CR2: variants seen among roughly 807,000 people sequenced by gnomAD.
CR2 encodes complement receptor type 2.
CR2 carries 96 observed loss-of-function variants against 123.0 expected under a neutral mutation model. That is an observed-to-expected ratio of 0.78 (90% CI 0.66 to 0.93). The LOEUF (loss-of-function observed/expected upper bound fraction) is 0.93, where lower values mean the gene tolerates loss of function less well. CR2 is among the 40% of genes least tolerant of loss of function. The pLI is 0.00. For synonymous variants in CR2, 484 were observed against 469.5 expected, an observed-to-expected ratio of 1.03 and a Z score of -0.40; for missense variants, 1,258 against 1,361.0, an observed-to-expected ratio of 0.92 and a Z score of 1.19.
Position 207,476,276 on chromosome 1 carries a change from A to C in CR2, c.2759A>C (p.Asn920Thr). 1 of 1,613,932 alleles carries C rather than the reference A, an allele frequency of 6.2e-7. No individual in the cohort carries two copies. The highest frequency in any genetic ancestry group is 8.5e-7 in the Non-Finnish European group (1 of 1,179,892). Residue 920 changes from asparagine (N) to threonine (T), a missense_variant, in exon 15 of 20, where the codon AAC (asparagine) becomes ACC (threonine). Physicochemically the swap from Asn to Thr is moderately conservative, Grantham distance 65 (BLOSUM62 0). Transcript: ENST00000367057. ...CCTCCGCCTAAGACCCCTAACGGGA[A>C]CCATACTGGTGGAAACATAGCTCGA... ...CPPPPKTPNG[N>T]HTGGNIARFS...
intron 16 of CR2, 100 bp downstream of exon 16, chr1:207,478,170 T>C: frequency 7.9e-6 from 10 of 1,258,972 alleles, no homozygotes; most frequent in Non-Finnish European, 1.1e-5. Flanking sequence ...TAAATTGACA[T>C]AGGTTTGTGA....
rs1167781229 is a variant in CR2 at position 207,454,432 on chromosome 1, G to A, written c.14G>A (p.Gly5Asp). 5 of 1,584,828 alleles carry A rather than the reference G, an allele frequency of 3.2e-6. No homozygotes were observed. The highest frequency in any genetic ancestry group is 3.4e-6 in the Non-Finnish European group (4 of 1,172,244). The change falls in exon 1 of 20, where the codon GGC becomes GAC. Residue 5 changes from glycine to aspartate, a missense_variant. Gly to Asp is a moderately conservative substitution (Grantham distance 94). Coordinates refer to ENST00000367057, the MANE Select transcript of CR2 (RefSeq NM_001006658.3). The surrounding 1 kb of genome is among the most constrained non-coding windows in gnomAD (Gnocchi z 4.3). ...TTCGGCCGTGGCATGGGCGCCGCGG[G>A]CCTGCTCGGGGTTTTCTTGGCTCTC... MGAA[G>D]LLGVFLALVA...
At chr1:207,467,652 T>G (rs1369938939) in intron 2 of CR2, among the ~76,000 whole-genome samples, 3 of 152,178 alleles carry the variant, frequency 2.0e-5, no homozygotes, top group Non-Finnish European at 4.4e-5. Flanking sequence ...GTTAAATTAG[T>G]ATAAAATGGG....
chr1:207,481,104 GGTATGTTAT>G (rs1179831845), intron 18 of CR2, among the ~76,000 whole-genome samples: 3 of 151,310 alleles, frequency 2.0e-5, no homozygotes, highest in Admixed American at 1.3e-4. Flanking sequence ...TCTATGTTTT[GGTATGTTAT>G]GTTTTCTTAT....
At chr1:207,488,411 T>C (rs2102317415) in intron 19 of CR2, among the ~76,000 whole-genome samples, 1 of 151,856 alleles carries the variant, frequency 6.6e-6, no homozygotes, top group South Asian at 2.1e-4. Context: ...AGATCACGAG[T>C]TCAGGAGATC....
intron 1 of CR2, among the ~76,000 whole-genome samples, chr1:207,456,437 G>A (rs550349392): frequency 5.5e-4 from 84 of 152,356 alleles, no homozygotes; most frequent in Admixed American, 1.3e-3. Flanking sequence ...GTTAGCACAG[G>A]AAAGCTGAGG....
intron 1 of CR2, among the ~76,000 whole-genome samples, chr1:207,460,336 T>A (rs1379141671): frequency 6.6e-6 from 1 of 152,188 alleles, no homozygotes; most frequent in African/African-American, 2.4e-5. Context: ...TGGCTCCCAA[T>A]AATGATGCCT....
At chr1:207,477,092 G>T (rs80133820) in intron 15 of CR2, among the ~76,000 whole-genome samples, 2,482 of 152,282 alleles carry the variant, frequency 0.016, 30 homozygotes, top group Admixed American at 0.026. Flanking sequence ...TCAAATCCAA[G>T]ATCTCACTGT....
intron 6 of CR2, 30 bp from the exon 7 acceptor site, chr1:207,470,710 G>A (rs985999522): frequency 1.2e-6 from 2 of 1,608,954 alleles, no homozygotes; most frequent in Admixed American, 1.7e-5. Context: ...TACTTAAGCA[G>A]TTATGTTTTG....
intron 18 of CR2, among the ~76,000 whole-genome samples, chr1:207,481,098 T>C (rs781662169): frequency 2.6e-5 from 4 of 152,102 alleles, no homozygotes; most frequent in Non-Finnish European, 4.4e-5. Context: ...TACGTTTCTA[T>C]GTTTTGGTAT....
intron 18 of CR2, among the ~76,000 whole-genome samples, chr1:207,483,858 G>C (rs947807183): frequency 3.9e-5 from 6 of 152,112 alleles, no homozygotes; most frequent in Non-Finnish European, 7.3e-5. Context: ...CACAATGAAA[G>C]CTGTGGAACC....
At chr1:207,459,315 TTTG>T in intron 1 of CR2, among the ~76,000 whole-genome samples, 1 of 148,026 alleles carries the variant, frequency 6.8e-6, no homozygotes, top group East Asian at 2.0e-4. Context: ...GAAGGTGTTT[TTTG>T]TTGTTTTTTT....
chr1:207,470,456 A>T (rs1295416137), intron 6 of CR2, among the ~76,000 whole-genome samples: 1 of 152,298 alleles, frequency 6.6e-6, no homozygotes, highest in East Asian at 1.9e-4. Context: ...AACATACAAG[A>T]TGATTCCTTA....
rs777216094 is a variant in CR2, at chr1:207,473,785, A to G, written c.2156-16A>G. The G allele has an allele frequency of 2.5e-6, 4 of 1,613,918 alleles. No homozygotes were observed. The highest frequency in any genetic ancestry group is 2.7e-5 in the African/African-American group (2 of 75,022). Reference sequence around the variant, plus strand: ...AGACATCTATAAATACTGTAATTCCATCCTTGCTTCTCCAGAAACATGCCA... The same window carrying G: ...AGACATCTATAAATACTGTAATTCCGTCCTTGCTTCTCCAGAAACATGCCA... On this transcript the variant is annotated splice_polypyrimidine_tract_variant and intron_variant, in intron 11 of 19. Coordinates refer to ENST00000367057, the MANE Select transcript of CR2 (RefSeq NM_001006658.3).
rs1318616293 is a variant in CR2 at position 207,458,065 on chromosome 1, C to CACACACACACACACACACACAT, written c.58+3610_58+3611insTACACACACACACACACACACA. On this transcript the variant is annotated intron_variant, in intron 1 of 19. Coordinates refer to ENST00000367057, the MANE Select transcript of CR2 (RefSeq NM_001006658.3). ...TTCCCTACCTCAAGGCCACAACACA[C>CACACACACACACACACACACAT]ACACACACACACACACACACACACA... Among the ~76,000 whole-genome samples the CACACACACACACACACACACAT allele has an allele frequency of 3.3e-4, 48 of 145,772 alleles. No homozygotes were observed. In the South Asian group the frequency reaches 5.3e-3, roughly 16 times the overall value.
At chr1:207,483,900 A>G (rs932638632) in intron 18 of CR2, among the ~76,000 whole-genome samples, 16 of 152,204 alleles carry the variant, frequency 1.1e-4, no homozygotes, top group African/African-American at 3.6e-4. Context: ...AATTGGGATG[A>G]GAACAGCCCT....
At chr1:207,479,873 G>A in intron 17 of CR2, 105 bp from the exon 18 acceptor site, 1 of 814,508 alleles carries the variant, frequency 1.2e-6, no homozygotes. Flanking sequence ...TTAAGTATGA[G>A]TCACATAACA....
intron 1 of CR2, among the ~76,000 whole-genome samples, chr1:207,463,099 C>T (rs1658006252): frequency 1.3e-5 from 2 of 152,174 alleles, no homozygotes; most frequent in Non-Finnish European, 2.9e-5. Flanking sequence ...ATCCCAGCCT[C>T]AAATTCTGTT....
chr1:207,465,217 A>G (rs569966809), intron 1 of CR2, among the ~76,000 whole-genome samples: 65 of 152,340 alleles, frequency 4.3e-4, no homozygotes, highest in Admixed American at 1.3e-4. Flanking sequence ...GACGTGAACC[A>G]CCACACCCTG....
Sources: allele counts gnomAD v4.1 joint callset (sites outside exome capture counted in the v4.1 genomes callset), GRCh38; gene constraint gnomAD v4.1.1; non-coding constraint Gnocchi (gnomAD v3.1); transcripts MANE v1.5; gene names NCBI Gene and HGNC (gene_info 2026-07-23, HGNC 2026-07-21).